OTOG: variants seen among roughly 807,000 people sequenced by gnomAD.
OTOG encodes the protein otogelin.
OTOG carries 296 observed loss-of-function variants against 313.8 expected under a neutral mutation model. The ratio of observed to expected loss-of-function variants is 0.94; its 90% confidence interval spans 0.86 to 1.04. OTOG has a LOEUF of 1.04. Among genes scored for constraint, OTOG ranks in the 50% least tolerant of loss-of-function variants. The probability of loss-of-function intolerance (pLI) is 0.00; values close to 1 mark genes in which losing one functional copy is unlikely to be tolerated. For synonymous variants in OTOG, 1,533 were observed against 1,554.9 expected (o/e 0.99, Z 0.33); for missense variants, 3,948 against 3,840.1 (o/e 1.03, Z -0.74).
At chr11:17,577,292 T>C (rs1490365084) in intron 22 of OTOG, among the ~76,000 whole-genome samples, 3 of 152,176 alleles carry the variant, frequency 2.0e-5, no homozygotes, top group African/African-American at 7.2e-5. Flanking sequence ...CAATGCTAGG[T>C]GTGGGGTCAC....
At position 17,611,454 on chromosome 11, in the gene OTOG, G is replaced by A. The variant is rs150874002; in HGVS notation, c.6123+31G>A. ...TGATTTGCCAGGGTTCTGGCCACCC[G>A]TATGTGACCCTTCCCTTCATCCCTT... On this transcript the variant is annotated intron_variant, in intron 36 of 55. Transcript: ENST00000399397. The A allele has an allele frequency of 8.4e-5, 124 of 1,475,062 alleles. No homozygotes were observed. In the African/African-American group the frequency reaches 1.3e-3, roughly 15 times the overall value. 91.4% of individuals were successfully genotyped at this position (1,475,062 alleles called of 1,614,324 possible). A position where few individuals can be genotyped will look rare whatever the true frequency, so the allele number is the denominator to read the frequency against.
intron 18 of OTOG, among the ~76,000 whole-genome samples, chr11:17,572,613 C>T (rs898927275): frequency 6.6e-6 from 1 of 152,316 alleles, no homozygotes; most frequent in East Asian, 1.9e-4. Flanking sequence ...TTGCACTTGG[C>T]AGTTGCCTGG....
rs902374144 is a variant in OTOG, at chr11:17,629,051, A to G, written c.6529-82A>G. ...TGATGGGTGGATGGATGGATGGATG[A>G]ATGGATGGACGGACAGATGGATGGA... On this transcript the variant is annotated intron_variant, in intron 39 of 55. Transcript: ENST00000399397. 20 of 1,319,362 alleles carry G rather than the reference A, an allele frequency of 1.5e-5. No individual in the cohort carries two copies. The African/African-American group carries it at 2.6e-4, about 17-fold the overall frequency. 81.7% of individuals were successfully genotyped at this position (1,319,362 alleles called of 1,614,324 possible). A position where few individuals can be genotyped will look rare whatever the true frequency, so the allele number is the denominator to read the frequency against.
At chr11:17,622,476 C>G (rs1195461016) in intron 39 of OTOG, among the ~76,000 whole-genome samples, 3 of 152,132 alleles carry the variant, frequency 2.0e-5, no homozygotes, top group African/African-American at 4.8e-5. Flanking sequence ...CTTACTCATT[C>G]TTTTTAATTT....
rs1241573280 is a variant in OTOG at position 17,596,099 on chromosome 11, C to G, written c.3470C>G (p.Ala1157Gly). 6.4e-7 allele frequency: 1 copy of G among 1,550,648 alleles called. No individual in the cohort carries two copies. Among genetic ancestry groups the G allele is most frequent in the Non-Finnish European group, 8.7e-7 (1 of 1,147,032 alleles). Residue 1157 changes from alanine to glycine, a missense_variant, in exon 29 of 56, where the codon GCC becomes GGC. Coordinates refer to ENST00000399397, the MANE Select transcript of OTOG (RefSeq NM_001292063.2). ...CVLNPLREPF[A>G]KKECSILLSE... ...CTGAATCCTCTCCGAGAACCATTTG[C>G]CAAGAAGGAGTGCAGCATCCTGCTC... is the stretch of plus-strand genomic sequence containing the variant.
Position 17,609,215 on chromosome 11 carries a change from T to A in OTOG, c.4354+6T>A, listed in dbSNP as rs1487787956. On this transcript the variant is annotated splice_donor_region_variant and intron_variant, in intron 35 of 55. Transcript: ENST00000399397. ...ATGTGTCTACTTGGAGGACTGTAAGTGGCCCAGACTTCTCATCCTTCCCTC... is the reference window on the plus strand; with the variant it reads ...ATGTGTCTACTTGGAGGACTGTAAGAGGCCCAGACTTCTCATCCTTCCCTC... The A allele has an allele frequency of 6.5e-7, 1 of 1,549,694 alleles. No individual in the cohort carries two copies. Among genetic ancestry groups the A allele is most frequent in the Non-Finnish European group, 8.7e-7 (1 of 1,146,200 alleles).
chr11:17,590,893 C>A (rs1194331886), intron 24 of OTOG, among the ~76,000 whole-genome samples: 1 of 152,190 alleles, frequency 6.6e-6, no homozygotes, highest in Non-Finnish European at 1.5e-5. Context: ...CATGCCCCAA[C>A]CACCCTATTT....
intron 7 of OTOG, 139 bp downstream of exon 7, chr11:17,556,036 C>A: frequency 1.5e-6 from 1 of 655,842 alleles, no homozygotes; most frequent in Non-Finnish European, 2.6e-6. Context: ...TGGGCGGAAG[C>A]ATACTGGCAG....
chr11:17,643,619 T>C (rs1364806431), intron 54 of OTOG, 113 bp downstream of exon 54: 1 of 735,288 alleles, frequency 1.4e-6, no homozygotes, highest in African/African-American at 1.8e-5. Flanking sequence ...TGATAGCTCT[T>C]CTGGGCTGAG....
intron 15 of OTOG, among the ~76,000 whole-genome samples, chr11:17,565,536 T>C (rs1852278418): frequency 1.3e-5 from 2 of 152,234 alleles, no homozygotes; most frequent in Admixed American, 6.5e-5. Context: ...GAAGTCACTA[T>C]GGGCAACCCA....
chr11:17,584,099 A>AT (rs768780696), intron 23 of OTOG, among the ~76,000 whole-genome samples: 1 of 151,998 alleles, frequency 6.6e-6, no homozygotes, highest in Non-Finnish European at 1.5e-5. Context: ...TTAATTTTCC[A>AT]TTTTTTAATT....
At chr11:17,638,113 C>T (rs1462717688) in intron 47 of OTOG, among the ~76,000 whole-genome samples, 1 of 152,240 alleles carries the variant, frequency 6.6e-6, no homozygotes. Context: ...TTGTGTTAGA[C>T]AGAGCGGGAT....
chr11:17,619,937 G>C (rs1461491043), intron 39 of OTOG, among the ~76,000 whole-genome samples: 1 of 152,084 alleles, frequency 6.6e-6, no homozygotes, highest in African/African-American at 2.4e-5. Flanking sequence ...AGATCTACTG[G>C]TGATAAATTC....
intron 30 of OTOG, 95 bp downstream of exon 30, chr11:17,597,102 G>C: frequency 7.0e-7 from 1 of 1,436,092 alleles, no homozygotes. Context: ...CATTTACTGA[G>C]TACTTAGAAT....
intron 25 of OTOG, among the ~76,000 whole-genome samples, chr11:17,592,231 T>C (rs1479837298): frequency 6.6e-6 from 1 of 152,118 alleles, no homozygotes; most frequent in Non-Finnish European, 1.5e-5. Flanking sequence ...GGACCTTGGG[T>C]TTGCTAATAG....
rs1396951212 is a variant in OTOG at position 17,638,509 on chromosome 11, G to A, written c.7854G>A (p.Glu2618=). The change falls in exon 48 of 56, where the codon GAG becomes GAA. Residue 2618 remains glutamate (E), a synonymous_variant. Transcript: ENST00000399397. ...GTGGCCTGGGCACTGCCCTGGTGGA[G>A]GTGTGGAGCCCCGACCGCTGCTGCC... The part of the protein sequence containing the change: ...VQCGLGTALV[E]VWSPDRCCPY... 4 of 1,550,422 alleles carry A rather than the reference G, an allele frequency of 2.6e-6. No homozygotes were observed. Among genetic ancestry groups the A allele is most frequent in the Non-Finnish European group, 3.5e-6 (4 of 1,147,008 alleles).
At chr11:17,596,192 C>T (rs2134065609) in intron 29 of OTOG, 38 bp downstream of exon 29, 1 of 1,395,114 alleles carries the variant, frequency 7.2e-7, no homozygotes. Context: ...CCGAGTGCCC[C>T]CTCCACTGTC....
At chr11:17,637,910 GCACC>G (rs1332417754) in intron 47 of OTOG, among the ~76,000 whole-genome samples, 1 of 152,130 alleles carries the variant, frequency 6.6e-6, no homozygotes, top group Admixed American at 6.5e-5. Flanking sequence ...CCAAAACGTT[GCACC>G]CAGGGAGTTC....
chr11:17,578,313 G>A, intron 22 of OTOG, 60 bp from the exon 23 acceptor site: 1 of 1,412,624 alleles, frequency 7.1e-7, no homozygotes, highest in Non-Finnish European at 9.2e-7. Context: ...TGCTGCCCCT[G>A]TAGCCCAGGA....
Sources: gnomAD v4.1 joint callset for allele counts (sites outside exome capture counted in the v4.1 genomes callset) on GRCh38, gnomAD v4.1.1 for gene constraint, MANE v1.5 for transcripts, NCBI Gene and HGNC (gene_info 2026-07-23, HGNC 2026-07-21) for gene names.